ZCCHC17: variants seen among roughly 807,000 people sequenced by gnomAD.
The protein encoded by ZCCHC17 is zinc finger CCHC domain-containing protein 17.
A neutral mutation model predicts 30.6 loss-of-function variants in ZCCHC17; 18 were observed. That is an observed-to-expected ratio of 0.59 (90% CI 0.41 to 0.87). The LOEUF is 0.87. Among genes scored for constraint, ZCCHC17 ranks in the 40% least tolerant of loss-of-function variants. The pLI is 0.00. For missense variants in ZCCHC17, 263 were observed against 284.2 expected, an observed-to-expected ratio of 0.93 and a Z score of 0.54; for synonymous variants, 88 against 92.4, an observed-to-expected ratio of 0.95 and a Z score of 0.27.
intron 7 of ZCCHC17, among the ~76,000 whole-genome samples, chr1:31,350,835 C>G (rs1423426095): frequency 6.6e-6 from 1 of 152,170 alleles, no homozygotes; most frequent in East Asian, 1.9e-4. Flanking sequence ...CTCCTGACCT[C>G]AAGTGATCCG....
At chr1:31,343,918 G>A (rs567287864) in intron 5 of ZCCHC17, among the ~76,000 whole-genome samples, 8 of 139,282 alleles carry the variant, frequency 5.7e-5, no homozygotes, top group East Asian at 2.2e-4. Flanking sequence ...GCAGTGGCAC[G>A]ATCTCGGCTC....
chr1:31,346,932 T>C, intron 6 of ZCCHC17, 192 bp downstream of exon 6: 1 of 1,276,042 alleles, frequency 7.8e-7, no homozygotes, highest in Non-Finnish European at 1.1e-6. Context: ...TTCTGAGTGC[T>C]GGCCCTACCA....
chr1:31,337,001 G>A (rs779464160), intron 3 of ZCCHC17, 174 bp from the exon 4 acceptor site: 32 of 533,934 alleles, frequency 6.0e-5, no homozygotes, highest in Middle Eastern at 1.0e-3. Flanking sequence ...AAGAATGTTT[G>A]TTGGTTGATT....
At chr1:31,333,714 G>A (rs1298483066) in intron 3 of ZCCHC17, among the ~76,000 whole-genome samples, 1 of 152,058 alleles carries the variant, frequency 6.6e-6, no homozygotes, top group Non-Finnish European at 1.5e-5. Flanking sequence ...GACAAAAAAA[G>A]TTCATTTGAA....
chr1:31,338,090 CTCCTGAG>C (rs1303891411), intron 4 of ZCCHC17, among the ~76,000 whole-genome samples: 1 of 151,626 alleles, frequency 6.6e-6, no homozygotes, highest in Non-Finnish European at 1.5e-5. Context: ...CCACCTCAGC[CTCCTGAG>C]TATCTGGGAC....
At chr1:31,318,441 C>T (rs1432646737) in intron 2 of ZCCHC17, among the ~76,000 whole-genome samples, 4 of 152,106 alleles carry the variant, frequency 2.6e-5, no homozygotes, top group African/African-American at 7.2e-5. Context: ...ATTACATAGA[C>T]CCATCAAGCC....
chr1:31,349,574 C>G (rs1007385569), intron 7 of ZCCHC17, among the ~76,000 whole-genome samples: 2 of 152,126 alleles, frequency 1.3e-5, no homozygotes, highest in Non-Finnish European at 2.9e-5. Context: ...CTCAAGTGAT[C>G]TACCCACCTC....
chr1:31,356,053 T>C (rs940252923), intron 7 of ZCCHC17, among the ~76,000 whole-genome samples: 2 of 151,956 alleles, frequency 1.3e-5, no homozygotes, highest in African/African-American at 4.8e-5. Flanking sequence ...CAGTGGAGAG[T>C]AGGAATGCCT....
intron 7 of ZCCHC17, among the ~76,000 whole-genome samples, chr1:31,357,094 A>G (rs1049673383): frequency 2.0e-5 from 3 of 152,200 alleles, no homozygotes; most frequent in African/African-American, 7.2e-5. Flanking sequence ...TAAACTTTAG[A>G]TATGTTTGAT....
chr1:31,301,075 A>G (rs1646299336), intron 1 of ZCCHC17, among the ~76,000 whole-genome samples: 1 of 152,162 alleles, frequency 6.6e-6, no homozygotes, highest in South Asian at 2.1e-4. Context: ...TGCTTTGTAG[A>G]GGAGTTTTAG....
intron 3 of ZCCHC17, among the ~76,000 whole-genome samples, chr1:31,336,345 A>G (rs961148865): frequency 8.5e-5 from 13 of 152,172 alleles, no homozygotes; most frequent in African/African-American, 3.1e-4. Flanking sequence ...TTTCCTTTGA[A>G]AAAATTCTAT....
intron 2 of ZCCHC17, 52 bp downstream of exon 2, chr1:31,310,216 G>C (rs1271029559): frequency 3.2e-6 from 5 of 1,586,244 alleles, no homozygotes; most frequent in Admixed American, 1.7e-5. Context: ...AATAGATTAA[G>C]GGTGACAACT....
At chr1:31,344,296 A>G (rs528833056) in intron 5 of ZCCHC17, among the ~76,000 whole-genome samples, 1 of 152,270 alleles carries the variant, frequency 6.6e-6, no homozygotes, top group East Asian at 1.9e-4. Context: ...GCTGGTCCAT[A>G]GGGTAGTCTT....
chr1:31,342,413 G>A (rs2148459965), intron 5 of ZCCHC17, among the ~76,000 whole-genome samples: 1 of 152,350 alleles, frequency 6.6e-6, no homozygotes, highest in African/African-American at 2.4e-5. Context: ...TACTAAAAGA[G>A]TAGTTTAAAG....
chr1:31,317,029 T>TC (rs200216222), intron 2 of ZCCHC17, among the ~76,000 whole-genome samples: 1 of 146,296 alleles, frequency 6.8e-6, no homozygotes, highest in African/African-American at 2.5e-5. Flanking sequence ...TTTTTCTTTT[T>TC]TTTTTTTTTT....
At chr1:31,346,600 C>A (rs1488822975) in intron 5 of ZCCHC17, 40 bp from the exon 6 acceptor site, 2 of 1,575,274 alleles carry the variant, frequency 1.3e-6, no homozygotes, top group South Asian at 2.3e-5. Flanking sequence ...CTGGCCATAT[C>A]TCTTAAGGGG....
chr1:31,331,724 G>A lies in ZCCHC17; in HGVS notation c.125-5451G>A, dbSNP rs75010377. Among the ~76,000 whole-genome samples, 726 of 151,708 alleles carry A rather than the reference G, an allele frequency of 4.8e-3. 10 individuals carry two copies. The highest frequency in any genetic ancestry group is 0.016 in the African/African-American group (673 of 41,316). Reference sequence around the variant, plus strand: ...CCTCCCAGGTTCAGGCAATTCTCCTGCCTTAGCCTCCCGAATAGCTGGGAC... The same window carrying A: ...CCTCCCAGGTTCAGGCAATTCTCCTACCTTAGCCTCCCGAATAGCTGGGAC... On this transcript the variant is annotated intron_variant, in intron 3 of 7. Coordinates refer to ENST00000344147, the MANE Select transcript of ZCCHC17 (RefSeq NM_016505.4).
chr1:31,351,776 A>C (rs559651971), intron 7 of ZCCHC17, among the ~76,000 whole-genome samples: 2 of 152,236 alleles, frequency 1.3e-5, no homozygotes, highest in East Asian at 3.9e-4. Flanking sequence ...ACTTTATGTC[A>C]CTGCCCACTT....
At chr1:31,302,960 C>G (rs1308411254) in intron 1 of ZCCHC17, among the ~76,000 whole-genome samples, 1 of 152,136 alleles carries the variant, frequency 6.6e-6, no homozygotes, top group African/African-American at 2.4e-5. Flanking sequence ...ATTGTGAATT[C>G]TTTTTGAGGT....
Sources: allele counts gnomAD v4.1 joint callset (sites outside exome capture counted in the v4.1 genomes callset), GRCh38; gene constraint gnomAD v4.1.1; transcripts MANE v1.5; gene names NCBI Gene and HGNC (gene_info 2026-07-23, HGNC 2026-07-21).